PPP6R3: variants seen among roughly 807,000 people sequenced by gnomAD.
PPP6R3 encodes the protein serine/threonine-protein phosphatase 6 regulatory subunit 3.
In PPP6R3, 38 loss-of-function variants were observed where a neutral mutation model predicts 110.7. The observed-to-expected ratio is 0.34, with a 90% CI of 0.26 to 0.45. PPP6R3 has a LOEUF of 0.45. Ranked by LOEUF, PPP6R3 falls within the 20% of genes least tolerant of loss-of-function variation. The probability of loss-of-function intolerance (pLI) is 1.00; values close to 1 mark genes in which losing one functional copy is unlikely to be tolerated. For synonymous variants in PPP6R3, 369 were observed against 373.5 expected, an observed-to-expected ratio of 0.99 and a Z score of 0.14; for missense variants, 870 against 1,062.4, an observed-to-expected ratio of 0.82 and a Z score of 2.52.
chr11:68,525,206 C>T (rs552644010), intron 2 of PPP6R3, among the ~76,000 whole-genome samples: 1 of 152,252 alleles, frequency 6.6e-6, no homozygotes, highest in East Asian at 1.9e-4. Flanking sequence ...AGAACAAAAC[C>T]TTGAAGGTAT....
At chr11:68,579,714 G>A (rs974417357) in intron 14 of PPP6R3, among the ~76,000 whole-genome samples, 1 of 152,216 alleles carries the variant, frequency 6.6e-6, no homozygotes, top group African/African-American at 2.4e-5. Context: ...GCAATAGACC[G>A]CATATATGAC....
intron 10 of PPP6R3, among the ~76,000 whole-genome samples, chr11:68,568,681 GT>G (rs1164722949): frequency 2.0e-5 from 3 of 151,988 alleles, no homozygotes; most frequent in Non-Finnish European, 4.4e-5. Flanking sequence ...CCGTATTTTT[GT>G]GTATCTCTGT....
chr11:68,560,328 G>A (rs1325496018), intron 8 of PPP6R3, among the ~76,000 whole-genome samples: 1 of 152,158 alleles, frequency 6.6e-6, no homozygotes, highest in South Asian at 2.1e-4. Flanking sequence ...TAGGAAAAAA[G>A]TAGAAAAGAG....
chr11:68,610,126 C>T, intron 23 of PPP6R3, 103 bp downstream of exon 23: 1 of 1,474,076 alleles, frequency 6.8e-7, no homozygotes, highest in Non-Finnish European at 9.1e-7. Context: ...CAGCTGTGCT[C>T]AAGTCTTAGG....
chr11:68,520,521 A>G (rs1295337349), intron 2 of PPP6R3, among the ~76,000 whole-genome samples: 1 of 152,206 alleles, frequency 6.6e-6, no homozygotes, highest in Non-Finnish European at 1.5e-5. Flanking sequence ...TTTCCTAGGC[A>G]TCTGAAATAC....
At chr11:68,481,571 GT>G (rs372336927) in intron 1 of PPP6R3, among the ~76,000 whole-genome samples, 11 of 152,344 alleles carry the variant, frequency 7.2e-5, no homozygotes, top group African/African-American at 2.4e-4. Context: ...GAGCGAGCTG[GT>G]TTAGCAGAAT....
intron 1 of PPP6R3, among the ~76,000 whole-genome samples, chr11:68,466,433 C>CTTTTTTT (rs906791744): frequency 9.3e-4 from 116 of 125,402 alleles, no homozygotes; most frequent in African/African-American, 2.8e-3. Context: ...AGGACATTTT[C>CTTTTTTT]TTTTTTTTTT....
At chr11:68,595,629 C>G (rs1430915660) in intron 18 of PPP6R3, among the ~76,000 whole-genome samples, 2 of 152,092 alleles carry the variant, frequency 1.3e-5, no homozygotes, top group Admixed American at 6.5e-5. Context: ...AAAACATTTG[C>G]AAATGACACA....
At chr11:68,553,523 C>T (rs2099388899) in intron 6 of PPP6R3, among the ~76,000 whole-genome samples, 1 of 152,042 alleles carries the variant, frequency 6.6e-6, no homozygotes. Context: ...GAACTCCTGA[C>T]CTCAGGTGAT....
At position 68,539,228 on chromosome 11, in the gene PPP6R3, G is replaced by C. The variant is rs2099294075; in HGVS notation, c.227+1337G>C. ...ATTTTGGATCAGCCTCCTCAGAAGA[G>C]TATGACCCTCTTCTCTTCCAATCTC... On this transcript the variant is annotated intron_variant, in intron 3 of 23. Coordinates refer to ENST00000393800, the MANE Select transcript of PPP6R3 (RefSeq NM_001164161.2). Among the ~76,000 whole-genome samples the C allele has an allele frequency of 2.6e-5, 4 of 152,332 alleles. No homozygotes were observed. The South Asian group carries it at 8.3e-4, about 32-fold the overall frequency.
chr11:68,575,816 C>T (rs1424443695), intron 13 of PPP6R3, 142 bp from the exon 14 acceptor site: 2 of 581,862 alleles, frequency 3.4e-6, no homozygotes, highest in Non-Finnish European at 6.1e-6. Context: ...GGCTGGCTGT[C>T]ACCCAGTTTC....
intron 1 of PPP6R3, among the ~76,000 whole-genome samples, chr11:68,461,455 A>C: frequency 8.2e-6 from 1 of 122,070 alleles, no homozygotes; most frequent in Non-Finnish European, 1.6e-5. Flanking sequence ...TTGTATGTAA[A>C]CTGTCTCGAA....
At chr11:68,540,905 C>G (rs1180196378) in intron 3 of PPP6R3, among the ~76,000 whole-genome samples, 1 of 152,104 alleles carries the variant, frequency 6.6e-6, no homozygotes, top group African/African-American at 2.4e-5. Context: ...TTAAGATGCT[C>G]AGATTTCATA....
intron 1 of PPP6R3, among the ~76,000 whole-genome samples, chr11:68,467,042 T>C (rs1277897176): frequency 6.6e-6 from 1 of 152,254 alleles, no homozygotes; most frequent in Non-Finnish European, 1.5e-5. Context: ...CACCCGGCCC[T>C]AGCTAGGACA....
chr11:68,550,944 A>G (rs1188848394), intron 5 of PPP6R3, 177 bp from the exon 6 acceptor site: 3 of 553,212 alleles, frequency 5.4e-6, no homozygotes, highest in Admixed American at 3.4e-5. Flanking sequence ...TGTTAAAACA[A>G]TATATTCACT....
At chr11:68,571,420 A>T (rs2099506173) in intron 12 of PPP6R3, among the ~76,000 whole-genome samples, 1 of 152,188 alleles carries the variant, frequency 6.6e-6, no homozygotes, top group Non-Finnish European at 1.5e-5. Flanking sequence ...TAAGTCCTTG[A>T]TGATGTGACT....
At chr11:68,577,411 G>A (rs2099536091) in intron 14 of PPP6R3, among the ~76,000 whole-genome samples, 1 of 152,112 alleles carries the variant, frequency 6.6e-6, no homozygotes. Context: ...CTTTTAAGGG[G>A]ACTATTGTCT....
At position 68,564,400 on chromosome 11, in the gene PPP6R3, T is replaced by A. The variant is rs745444840; in HGVS notation, c.943T>A (p.Ser315Thr). The change falls in exon 9 of 24, where the codon TCT (serine) becomes ACT (threonine). Residue 315 changes from serine to threonine, a missense_variant. Coordinates refer to ENST00000393800, the MANE Select transcript of PPP6R3 (RefSeq NM_001164161.2). ...AGAAGCCATCAGAGGAAGACTTGGA[T>A]CTTTTCATGAACTCCTGCTGGAGCC... The part of the protein sequence containing the change: ...VLEAIRGRLG[S>T]FHELLLEPPK... The A allele has an allele frequency of 6.2e-7, 1 of 1,614,036 alleles. No individual in the cohort carries two copies. Among genetic ancestry groups the A allele is most frequent in the Admixed American group, 1.7e-5 (1 of 60,026 alleles).
chr11:68,511,463 A>AGTGTGTGTGTGTGT (rs111457206), intron 1 of PPP6R3, among the ~76,000 whole-genome samples: 3,463 of 138,520 alleles, frequency 0.025, 104 homozygotes, highest in African/African-American at 0.06. Flanking sequence ...ACTGTGTTAG[A>AGTGTGTGTGTGTGT]GTGTGTGTGT....
Sources: allele counts gnomAD v4.1 joint callset (sites outside exome capture counted in the v4.1 genomes callset), GRCh38; gene constraint gnomAD v4.1.1; transcripts MANE v1.5; gene names NCBI Gene and HGNC (gene_info 2026-07-23, HGNC 2026-07-21).